ACBD6: variants seen among roughly 807,000 people sequenced by gnomAD.
ACBD6 encodes acyl-CoA binding domain containing 6.
In ACBD6, 28 loss-of-function variants were observed where a neutral mutation model predicts 37.2. The observed-to-expected ratio is 0.75, with a 90% CI of 0.56 to 1.03. The LOEUF is 1.03. ACBD6 is among the 50% of genes least tolerant of loss of function. ACBD6 has a pLI of 0.00. For missense variants in ACBD6, 340 were observed against 337.4 expected (o/e 1.01, Z -0.06); for synonymous variants, 113 against 126.8 (o/e 0.89, Z 0.73).
At chr1:180,383,130 C>G (rs939870388) in intron 6 of ACBD6, among the ~76,000 whole-genome samples, 2 of 152,154 alleles carry the variant, frequency 1.3e-5, no homozygotes, top group African/African-American at 4.8e-5. Flanking sequence ...AGAACTGGCA[C>G]AAGCCAAGAA....
At chr1:180,461,154 G>A (rs1650131146) in intron 3 of ACBD6, among the ~76,000 whole-genome samples, 1 of 152,100 alleles carries the variant, frequency 6.6e-6, no homozygotes, top group East Asian at 1.9e-4. Context: ...CAATTTTAGA[G>A]CTTGAAGACT....
rs532409834 is a variant in ACBD6, at chr1:180,412,944, A to G, written c.573+422T>C. On this transcript the variant is annotated intron_variant, in intron 5 of 7. Coordinates refer to ENST00000367595, the MANE Select transcript of ACBD6 (RefSeq NM_032360.4). ...CTTTAATTAGTAGGCCAGCATTTAA[A>G]TTATTGATTTACCAAAATTCTGACA... Among the ~76,000 whole-genome samples the G allele has an allele frequency of 2.0e-5, 3 of 152,326 alleles. No individual in the cohort carries two copies. In the South Asian group the frequency reaches 6.2e-4, roughly 32 times the overall value.
At chr1:180,374,243 A>G (rs1032433820) in intron 6 of ACBD6, among the ~76,000 whole-genome samples, 1 of 152,188 alleles carries the variant, frequency 6.6e-6, no homozygotes, top group African/African-American at 2.4e-5. Flanking sequence ...ACTGGATTTA[A>G]TCTCCACATG....
At chr1:180,300,336 G>A (rs994832658) in intron 7 of ACBD6, among the ~76,000 whole-genome samples, 2 of 152,016 alleles carry the variant, frequency 1.3e-5, no homozygotes, top group African/African-American at 4.8e-5. Context: ...GTGATTAAAT[G>A]AATAACAAAT....
intron 3 of ACBD6, among the ~76,000 whole-genome samples, chr1:180,464,993 A>T (rs997187229): frequency 6.6e-6 from 1 of 152,218 alleles, no homozygotes; most frequent in South Asian, 2.1e-4. Flanking sequence ...AGAAGATTGA[A>T]GCTGAACCCC....
At chr1:180,380,058 C>G (rs894854321) in intron 6 of ACBD6, among the ~76,000 whole-genome samples, 4 of 152,010 alleles carry the variant, frequency 2.6e-5, no homozygotes, top group Admixed American at 2.6e-4. Flanking sequence ...CCCAGTAGTT[C>G]GAGACCAGCC....
At chr1:180,459,967 C>CTTTTTTTTT (rs67323272) in intron 3 of ACBD6, among the ~76,000 whole-genome samples, 1 of 107,976 alleles carries the variant, frequency 9.3e-6, no homozygotes, top group Non-Finnish European at 1.9e-5. Context: ...CAGACTGCTT[C>CTTTTTTTTT]TTTTTTTTTT....
chr1:180,451,705 A>C (rs1240867072), intron 3 of ACBD6, among the ~76,000 whole-genome samples: 1 of 152,232 alleles, frequency 6.6e-6, no homozygotes, highest in South Asian at 2.1e-4. Flanking sequence ...ATGGTTGCTT[A>C]GGGCTGAGGG....
At chr1:180,285,920 A>G (rs939072119), downstream of ACBD6, among the ~76,000 whole-genome samples, 2 of 152,090 alleles carry the variant, frequency 1.3e-5, no homozygotes, top group Non-Finnish European at 2.9e-5. Flanking sequence ...GACTTCTTAC[A>G]TCTTTATTAG....
intron 3 of ACBD6, among the ~76,000 whole-genome samples, chr1:180,470,916 T>C (rs1404859100): frequency 6.6e-6 from 1 of 152,254 alleles, no homozygotes; most frequent in African/African-American, 2.4e-5. Context: ...GTAAAAATAA[T>C]TGACTGCTCA....
At chr1:180,363,051 T>C (rs1175095985) in intron 6 of ACBD6, among the ~76,000 whole-genome samples, 1 of 152,198 alleles carries the variant, frequency 6.6e-6, no homozygotes, top group Admixed American at 6.5e-5. Context: ...ATGTATTAAC[T>C]TATTAACATA....
chr1:180,340,549 C>G (rs1041537562), intron 6 of ACBD6, among the ~76,000 whole-genome samples: 2 of 151,568 alleles, frequency 1.3e-5, no homozygotes, highest in Non-Finnish European at 2.9e-5. Flanking sequence ...TGGGGCATTA[C>G]ATAAATGGGC....
intron 6 of ACBD6, among the ~76,000 whole-genome samples, chr1:180,363,759 T>C (rs938876203): frequency 1.3e-5 from 2 of 152,160 alleles, no homozygotes; most frequent in Non-Finnish European, 2.9e-5. Context: ...CATGTGTCCT[T>C]GAACCTATGG....
At chr1:180,399,793 C>T (rs1207006492) in intron 5 of ACBD6, among the ~76,000 whole-genome samples, 1 of 152,154 alleles carries the variant, frequency 6.6e-6, no homozygotes, top group Non-Finnish European at 1.5e-5. Flanking sequence ...TGTTTCACAG[C>T]ATTTATTAAT....
chr1:180,352,249 G>A (rs1652448575), intron 6 of ACBD6, among the ~76,000 whole-genome samples: 1 of 152,104 alleles, frequency 6.6e-6, no homozygotes, highest in Non-Finnish European at 1.5e-5. Context: ...GTGAATGGAT[G>A]AATAAATGAA....
intron 7 of ACBD6, among the ~76,000 whole-genome samples, chr1:180,294,700 TG>T (rs1366414428): frequency 2.6e-4 from 40 of 151,136 alleles, no homozygotes; most frequent in African/African-American, 9.0e-4. Context: ...ATTTGCCTTT[TG>T]TTTTTTTTTT....
chr1:180,276,375 G>A (rs1001194044), intron 9 of ACBD6: 13 of 152,280 alleles, frequency 8.5e-5, no homozygotes, highest in East Asian at 1.9e-4. Flanking sequence ...AGTAAATTCC[G>A]GGATCAGCCT....
intron 7 of ACBD6, among the ~76,000 whole-genome samples, chr1:180,289,355 G>A (rs1286189539): frequency 6.6e-6 from 1 of 152,110 alleles, no homozygotes; most frequent in East Asian, 1.9e-4. Flanking sequence ...CATATAAAAA[G>A]ATGAGCATTC....
At position 180,500,717 on chromosome 1, in the gene ACBD6, C is replaced by G. The variant is rs1651936423; in HGVS notation, c.222+1328G>C. Among the ~76,000 whole-genome samples the G allele has an allele frequency of 2.1e-5, 3 of 144,930 alleles. No homozygotes were observed. In the Admixed American group the frequency reaches 2.1e-4, roughly 10 times the overall value. The stretch of plus-strand genomic sequence containing the variant: ...CTCAAAAAAAAAAAAAAAAAAGTGT[C>G]AGCCAGGTGCAGTGGCTCATGCCTG... On this transcript the variant is annotated intron_variant, in intron 1 of 7. Transcript: ENST00000367595.
Sources: gnomAD v4.1 joint callset for allele counts (sites outside exome capture counted in the v4.1 genomes callset) on GRCh38, gnomAD v4.1.1 for gene constraint, MANE v1.5 for transcripts, NCBI Gene and HGNC (gene_info 2026-07-23, HGNC 2026-07-21) for gene names.